Variants in NBPF9 observed in about 807,000 individuals in gnomAD.
NBPF9 encodes NBPF member 9.
In NBPF9, 91 loss-of-function variants were observed where a neutral mutation model predicts 97.8. The ratio of observed to expected loss-of-function variants is 0.93; its 90% CI spans 0.79 to 1.11. NBPF9 has a LOEUF of 1.11. NBPF9 is among the 50% of genes least tolerant of loss of function. NBPF9 has a pLI of 0.00. For missense variants in NBPF9, 992 were observed against 939.5 expected (o/e 1.06, Z -0.73); for synonymous variants, 334 against 359.5 (o/e 0.93, Z 0.80).
chr1:149,100,575 C>T (rs1553245479), intron 3 of NBPF9, among the ~76,000 whole-genome samples: 2 of 151,818 alleles, frequency 1.3e-5, no homozygotes, highest in Admixed American at 1.3e-4. Context: ...CCAAACAGTG[C>T]AGAAGGAAAA....
At chr1:149,057,106 C>A (rs1175135131) in intron 28 of NBPF9, among the ~76,000 whole-genome samples, 14 of 772 alleles carry the variant, frequency 0.018, 1 homozygote, top group Non-Finnish European at 0.041. Flanking sequence ...AGAATAGGAT[C>A]AGGGTGCCAC....
chr1:149,075,564 C>A (rs1378117327), intron 12 of NBPF9, 91 bp downstream of exon 12: 17 of 1,422,018 alleles, frequency 1.2e-5, no homozygotes, highest in East Asian at 4.5e-5. Context: ...GGGAGGATGA[C>A]ATTATTTTTG....
chr1:149,094,754 G>T (rs2152923804), intron 4 of NBPF9, among the ~76,000 whole-genome samples: 1 of 145,006 alleles, frequency 6.9e-6, no homozygotes, highest in Admixed American at 6.7e-5. Flanking sequence ...AACCCTTCTA[G>T]GGTGGATCAG....
At chr1:149,061,987 G>C (rs1304021204) in intron 22 of NBPF9, 106 bp downstream of exon 22, 2 of 655,816 alleles carry the variant, frequency 3.0e-6, no homozygotes, top group Non-Finnish European at 5.5e-6. Flanking sequence ...GGTCCTGCCT[G>C]TGGCAATGAC....
Position 149,086,878 on chromosome 1 carries a change from CAG to C in NBPF9, c.-195+3873_-195+3874del, listed in dbSNP as rs2081046060. Among the ~76,000 whole-genome samples, 2 of 152,108 alleles carry C rather than the reference CAG, an allele frequency of 1.3e-5. 1 individual carries two copies. Among genetic ancestry groups the C allele is most frequent in the South Asian group, 4.1e-4 (2 of 4,828 alleles). Reference sequence around the variant, plus strand: ...GGAAACACACATACAGATCATTGTGCAGACACAGTGTGTAAATTCCCAGGAAT... The same window carrying C: ...GGAAACACACATACAGATCATTGTGCACACAGTGTGTAAATTCCCAGGAAT... On this transcript the variant is annotated intron_variant, in intron 5 of 29. Transcript: ENST00000584027.
chr1:149,081,303 G>A (rs1553656678), intron 7 of NBPF9, among the ~76,000 whole-genome samples: 3 of 152,076 alleles, frequency 2.0e-5, no homozygotes, highest in East Asian at 3.9e-4. Flanking sequence ...TATTTTTAGT[G>A]GAGATGGGGT....
intron 14 of NBPF9, among the ~76,000 whole-genome samples, chr1:149,072,249 G>A (rs1559527067): frequency 1.3e-5 from 2 of 151,890 alleles, no homozygotes; most frequent in Non-Finnish European, 2.9e-5. Flanking sequence ...TTGGAAAGCA[G>A]TTGTAAGTGT....
At chr1:149,072,910 C>G in exon 14 of NBPF9, 2 of 1,606,902 alleles carry the variant, frequency 1.2e-6, no homozygotes, top group Non-Finnish European at 1.7e-6. Context: ...CGTTCCTGAG[C>G]GTGAACCAGG....
At chr1:149,062,997 G>A in intron 20 of NBPF9, 84 bp from the exon 21 acceptor site, 2 of 630,622 alleles carry the variant, frequency 3.2e-6, no homozygotes, top group Non-Finnish European at 5.6e-6. Flanking sequence ...CTCACACAGG[G>A]ACTTCAGGCT....
rs587672075 is a variant in NBPF9, at chr1:149,089,880, G to A, written c.-195+873C>T. ...ACAGAGACTGCCAGGCTGAGGGAAG[G>A]TGCAAGAGAATAGAAGAGATGCTCA... is the stretch of plus-strand genomic sequence containing the variant. On this transcript the variant is annotated intron_variant, in intron 5 of 29. Coordinates refer to ENST00000584027, the Ensembl canonical transcript of NBPF9. 2.6e-5 allele frequency among the ~76,000 whole-genome samples: 4 copies of A among 152,336 alleles called. No individual in the cohort carries two copies. In the East Asian group the frequency reaches 5.8e-4, roughly 22 times the overall value.
chr1:149,079,538 C>T (rs2080222912), intron 8 of NBPF9, among the ~76,000 whole-genome samples: 2 of 149,512 alleles, frequency 1.3e-5, no homozygotes, highest in African/African-American at 5.0e-5. Flanking sequence ...ATGGACATTT[C>T]CATGTGAAAA....
intron 5 of NBPF9, chr1:149,090,124 G>A (rs1403260994): frequency 1.0e-4 from 15 of 150,340 alleles, no homozygotes; most frequent in Admixed American, 2.0e-4. Flanking sequence ...CCAATGAATT[G>A]TGGGCACAGA....
chr1:149,097,384 C>T (rs1218268716), intron 4 of NBPF9, among the ~76,000 whole-genome samples: 20 of 152,164 alleles, frequency 1.3e-4, no homozygotes, highest in African/African-American at 4.8e-4. Context: ...ATTCCTCTGG[C>T]CCACTGTTGC....
At chr1:149,079,696 G>A (rs1387170712) in intron 8 of NBPF9, among the ~76,000 whole-genome samples, 6 of 151,460 alleles carry the variant, frequency 4.0e-5, no homozygotes, top group East Asian at 2.0e-4. Flanking sequence ...ATGAGAAGCC[G>A]CAGTCAGTCA....
In NBPF9 at chr1:149,059,930, G is replaced by A; in HGVS notation, c.2477-122C>T. On this transcript the variant is annotated intron_variant, in intron 24 of 29. Transcript: ENST00000584027. ...TCAGCATAAGAATAGGACACTGTGA[G>A]AGATATATTTCAGGAGGCCTGAAGG... is the stretch of plus-strand genomic sequence containing the variant. 2 of 430,718 alleles carry A rather than the reference G, an allele frequency of 4.6e-6. 1 individual carries two copies. Among genetic ancestry groups the A allele is most frequent in the Non-Finnish European group, 8.4e-6 (2 of 239,188 alleles). 26.7% of individuals were successfully genotyped at this position (430,718 alleles called of 1,614,324 possible).
At chr1:149,072,242 G>A (rs1479777662) in intron 14 of NBPF9, among the ~76,000 whole-genome samples, 4 of 151,730 alleles carry the variant, frequency 2.6e-5, no homozygotes, top group Non-Finnish European at 5.9e-5. Context: ...TCTCATTTTG[G>A]AAAGCAGTTG....
chr1:149,089,281 A>G (rs1827457), intron 5 of NBPF9, among the ~76,000 whole-genome samples: 174 of 152,024 alleles, frequency 1.1e-3, no homozygotes, highest in African/African-American at 3.8e-3. Flanking sequence ...GTCTTCCTTG[A>G]TGGGAGCTAA....
chr1:149,055,512 A>G (rs2078145882), exon 30 of NBPF9: 1 of 1,536,284 alleles, frequency 6.5e-7, no homozygotes, highest in Non-Finnish European at 8.7e-7. Flanking sequence ...TGCCACTGGC[A>G]TGGTTTGAGA....
At chr1:149,087,099 ACT>A (rs1461296499) in intron 5 of NBPF9, among the ~76,000 whole-genome samples, 1 of 151,828 alleles carries the variant, frequency 6.6e-6, no homozygotes, top group Non-Finnish European at 1.5e-5. Context: ...TCATTGTTGC[ACT>A]GATTGATCTC....
Sources: allele counts gnomAD v4.1 joint callset (sites outside exome capture counted in the v4.1 genomes callset), GRCh38; gene constraint gnomAD v4.1.1; transcripts MANE v1.5; gene names NCBI Gene and HGNC (gene_info 2026-07-23, HGNC 2026-07-21).